TOGARAM1: variants seen among roughly 807,000 people sequenced by gnomAD.
TOGARAM1 encodes the protein TOG array regulator of axonemal microtubules 1.
Under a neutral mutation model 166.6 loss-of-function variants are expected in TOGARAM1, and 100 were observed. The ratio of observed to expected loss-of-function variants is 0.60; its 90% CI spans 0.51 to 0.71. TOGARAM1 has a LOEUF of 0.71. Among genes scored for constraint, TOGARAM1 ranks in the 30% least tolerant of loss-of-function variants. TOGARAM1 has a pLI of 0.00. For missense variants in TOGARAM1, 2,029 were observed against 2,102.7 expected, an observed-to-expected ratio of 0.96 and a Z score of 0.69; for synonymous variants, 758 against 763.8, an observed-to-expected ratio of 0.99 and a Z score of 0.13.
chr14:45,032,109 A>T, intron 10 of TOGARAM1, 114 bp from the exon 11 acceptor site: 1 of 881,210 alleles, frequency 1.1e-6, no homozygotes, highest in Admixed American at 3.1e-5. Flanking sequence ...GCAGTGAGCT[A>T]AGATCGTACT....
chr14:45,024,573 G>A (rs77086166), intron 7 of TOGARAM1, among the ~76,000 whole-genome samples: 6,082 of 152,088 alleles, frequency 0.04, 207 homozygotes, highest in East Asian at 0.12. Flanking sequence ...CTGATCATTC[G>A]TCTCTTGATA....
At chr14:45,071,845 A>G (rs1271314920) in intron 19 of TOGARAM1, 47 bp downstream of exon 19, 1 of 1,351,072 alleles carries the variant, frequency 7.4e-7, no homozygotes, top group Non-Finnish European at 1.0e-6. Flanking sequence ...AACTAAGGAT[A>G]AACTGATAAA....
intron 11 of TOGARAM1, among the ~76,000 whole-genome samples, chr14:45,032,798 G>A (rs930075383): frequency 6.6e-6 from 1 of 152,142 alleles, no homozygotes; most frequent in Non-Finnish European, 1.5e-5. Flanking sequence ...TGCATCCCAC[G>A]TGTTTCAGCG....
At chr14:45,020,394 G>T (rs1880427020) in intron 7 of TOGARAM1, among the ~76,000 whole-genome samples, 1 of 152,182 alleles carries the variant, frequency 6.6e-6, no homozygotes, top group East Asian at 1.9e-4. Context: ...AGTTGATCTT[G>T]CAAGGTGACC....
intron 1 of TOGARAM1, among the ~76,000 whole-genome samples, chr14:44,975,951 C>T (rs1886163975): frequency 6.6e-6 from 1 of 152,012 alleles, no homozygotes; most frequent in Non-Finnish European, 1.5e-5. Flanking sequence ...GTGAAGTCAA[C>T]TGGTGACTAC....
Position 45,052,430 on chromosome 14 carries a change from T to C in TOGARAM1, c.4314-6T>C, listed in dbSNP as rs766670642. 6 of 1,606,350 alleles carry C rather than the reference T, an allele frequency of 3.7e-6. No individual in the cohort carries two copies. In the South Asian group the frequency reaches 5.5e-5, roughly 15 times the overall value. Reference sequence around the variant, plus strand: ...AGTAATATACCTGTTTTTCAAATACTCACAGGTATTATGGTCGAAAGATGC... The same window carrying C: ...AGTAATATACCTGTTTTTCAAATACCCACAGGTATTATGGTCGAAAGATGC... On this transcript the variant is annotated splice_region_variant and splice_polypyrimidine_tract_variant and intron_variant, in intron 14 of 19. Transcript: ENST00000361462.
chr14:45,047,558 T>G (rs1419691704), intron 14 of TOGARAM1, among the ~76,000 whole-genome samples: 1 of 151,984 alleles, frequency 6.6e-6, no homozygotes, highest in East Asian at 1.9e-4. Context: ...ACACAATAAT[T>G]AAGATGTGGA....
chr14:45,065,041 C>G (rs768060941), intron 16 of TOGARAM1, among the ~76,000 whole-genome samples: 4 of 151,900 alleles, frequency 2.6e-5, no homozygotes, highest in Non-Finnish European at 5.9e-5. Flanking sequence ...AGTATTAGAC[C>G]ACTTTAAGTA....
At position 45,074,300 on chromosome 14, in the gene TOGARAM1, G is replaced by C. The variant is rs1883511691; in HGVS notation, c.*739G>C. On this transcript the variant is annotated 3_prime_UTR_variant, in exon 20 of 20. Transcript: ENST00000361462. Reference sequence around the variant, plus strand: ...ACCTTTATAAAGGTGTTATTCTGCTGCCCAGTTTTGTAATTCTCAAAAATA... The same window carrying C: ...ACCTTTATAAAGGTGTTATTCTGCTCCCCAGTTTTGTAATTCTCAAAAATA... The C allele has an allele frequency of 6.6e-6, 1 of 152,594 alleles. No homozygotes were observed. The highest frequency in any genetic ancestry group is 6.5e-5 in the Admixed American group (1 of 15,276). 9.5% of individuals were successfully genotyped at this position (152,594 alleles called of 1,614,324 possible). A position where few individuals can be genotyped will look rare whatever the true frequency, so the allele number is the denominator to read the frequency against.
chr14:45,032,125 A>C (rs1594674404), intron 10 of TOGARAM1, 98 bp from the exon 11 acceptor site: 14 of 1,065,474 alleles, frequency 1.3e-5, no homozygotes, highest in Middle Eastern at 3.1e-4. Flanking sequence ...GTACTACTGC[A>C]CCCTAGCCTG....
At chr14:45,031,778 T>G (rs1360133362) in intron 10 of TOGARAM1, among the ~76,000 whole-genome samples, 2 of 152,202 alleles carry the variant, frequency 1.3e-5, no homozygotes, top group Non-Finnish European at 2.9e-5. Context: ...GGTACTGTAA[T>G]TTTCCTCAAG....
intron 7 of TOGARAM1, among the ~76,000 whole-genome samples, chr14:45,015,645 G>A (rs1185454536): frequency 1.3e-5 from 2 of 151,334 alleles, no homozygotes; most frequent in African/African-American, 2.4e-5. Context: ...GGCACTGTGC[G>A]GAGCCCTTTA....
In TOGARAM1 at chr14:45,032,365, T is replaced by C. The variant is rs370931198; in HGVS notation, c.3801T>C (p.Ala1267=). ...TGACAGAAGCCCTGAGGCTTTTGGC[T>C]GATGAGGATTGGTAAGTTCACCATC... The part of the protein sequence containing the change: ...IALTEALRLL[A]DEDWEKKIEG... The change falls in exon 11 of 20, where the codon GCT becomes GCC. Residue 1267 remains alanine, a synonymous_variant. Coordinates refer to ENST00000361462, the MANE Select transcript of TOGARAM1 (RefSeq NM_001308120.2). 95 of 1,613,632 alleles carry C rather than the reference T, an allele frequency of 5.9e-5. No homozygotes were observed. The highest frequency in any genetic ancestry group is 6.8e-5 in the Non-Finnish European group (80 of 1,179,908).
At chr14:45,037,236 T>A (rs1208310687) in intron 11 of TOGARAM1, among the ~76,000 whole-genome samples, 1 of 152,222 alleles carries the variant, frequency 6.6e-6, no homozygotes, top group East Asian at 1.9e-4. Context: ...TTCTTCAAAG[T>A]CAGGAGGAGA....
At position 45,006,157 on chromosome 14, in the gene TOGARAM1, G is replaced by T. The variant is rs770136204; in HGVS notation, c.2794G>T (p.Val932Leu). The T allele has an allele frequency of 9.9e-6, 16 of 1,614,070 alleles. No individual in the cohort carries two copies. In the East Asian group the frequency reaches 3.6e-4, roughly 36 times the overall value. ...LLPDKADLST[V>L]GHKKKEPDDI... The stretch of plus-strand genomic sequence containing the variant: ...GCCTGATAAAGCTGATTTAAGCACA[G>T]TGGGACACAAAAAGAAAGAGCCTGA... Residue 932 changes from valine to leucine, a missense_variant, in exon 5 of 20, where the codon GTG becomes TTG. Transcript: ENST00000361462.
intron 16 of TOGARAM1, among the ~76,000 whole-genome samples, chr14:45,060,846 A>T (rs550711365): frequency 1.4e-4 from 22 of 152,296 alleles, no homozygotes; most frequent in African/African-American, 4.6e-4. Flanking sequence ...TGATGTTGTT[A>T]TGTCTTACTA....
chr14:44,964,309 G>C lies in TOGARAM1; in HGVS notation c.1888G>C (p.Val630Leu), dbSNP rs1420806825. Reference protein sequence around the residue: ...QSAHCHCGDHVRDSMHIYGSY... With the variant: ...QSAHCHCGDHLRDSMHIYGSY... ...TGCACACTGTCACTGTGGTGACCACGTGAGGGATAGCATGCACATTTATGG... is the reference window on the plus strand; with the variant it reads ...TGCACACTGTCACTGTGGTGACCACCTGAGGGATAGCATGCACATTTATGG... Residue 630 changes from valine (V) to leucine (L), a missense_variant, in exon 1 of 20, where the codon GTG becomes CTG. This residue lies in a region of TOGARAM1 where 1,453 missense variants were observed against 1,432.2 expected (regional missense o/e 1.01). Transcript: ENST00000361462. 1 of 1,614,086 alleles carries C rather than the reference G, an allele frequency of 6.2e-7. No homozygotes were observed. The highest frequency in any genetic ancestry group is 1.3e-5 in the African/African-American group (1 of 74,926).
chr14:44,994,230 T>C (rs900109127), intron 1 of TOGARAM1, among the ~76,000 whole-genome samples: 3 of 152,016 alleles, frequency 2.0e-5, no homozygotes, highest in Non-Finnish European at 4.4e-5. Flanking sequence ...CCTCAGCCTC[T>C]GTCTCAGCCT....
At chr14:44,965,869 AT>A (rs747983176) in intron 1 of TOGARAM1, among the ~76,000 whole-genome samples, 1,958 of 120,490 alleles carry the variant, frequency 0.016, 6 homozygotes, top group Non-Finnish European at 0.022. Context: ...ACAAATAGTA[AT>A]TTTTTTTTTT....
Sources: allele counts gnomAD v4.1 joint callset (sites outside exome capture counted in the v4.1 genomes callset), GRCh38; gene constraint gnomAD v4.1.1; regional missense constraint gnomAD v4.1.1; transcripts MANE v1.5; gene names NCBI Gene and HGNC (gene_info 2026-07-23, HGNC 2026-07-21).